Variants in SEPTIN7 observed in about 807,000 individuals in gnomAD.
SEPTIN7 encodes the protein septin-7.
SEPTIN7 carries 10 observed loss-of-function variants against 63.3 expected under a neutral mutation model. The ratio of observed to expected loss-of-function variants is 0.16; its 90% CI spans 0.10 to 0.27. The LOEUF (loss-of-function observed/expected upper bound fraction) is 0.27, where lower values mean the gene tolerates loss of function less well. Ranked by LOEUF, SEPTIN7 falls within the 10% of genes least tolerant of loss-of-function variation. The probability of loss-of-function intolerance (pLI) is 1.00; values close to 1 mark genes in which losing one functional copy is unlikely to be tolerated. For synonymous variants in SEPTIN7, 131 were observed against 165.3 expected (o/e 0.79, Z 1.59); for missense variants, 310 against 521.0 (o/e 0.59, Z 3.94).
intron 3 of SEPTIN7, chr7:35,847,131 G>C (rs190461489): frequency 1.5e-3 from 266 of 178,200 alleles, no homozygotes; most frequent in Middle Eastern, 4.6e-3. Flanking sequence ...GAAGTTGGCC[G>C]TGTCCAGATT....
intron 1 of SEPTIN7, among the ~76,000 whole-genome samples, chr7:35,817,733 A>G (rs991846558): frequency 2.0e-5 from 3 of 152,050 alleles, no homozygotes; most frequent in Non-Finnish European, 2.9e-5. Flanking sequence ...TATAGTTCTC[A>G]TGTATAAGAC....
downstream of SEPTIN7, among the ~76,000 whole-genome samples, chr7:35,910,230 G>A (rs1408395842): frequency 6.6e-6 from 1 of 152,184 alleles, no homozygotes; most frequent in Non-Finnish European, 1.5e-5. Context: ...GCTTAGTCCT[G>A]TTCAATGCAT....
chr7:35,816,733 A>G (rs770389984), intron 1 of SEPTIN7, among the ~76,000 whole-genome samples: 11 of 152,116 alleles, frequency 7.2e-5, no homozygotes, highest in South Asian at 4.1e-4. Context: ...ATTCTTGTCC[A>G]TACTTGTTAT....
chr7:35,820,201 GT>G (rs1789329604), intron 1 of SEPTIN7, among the ~76,000 whole-genome samples: 1 of 151,986 alleles, frequency 6.6e-6, no homozygotes, highest in African/African-American at 2.4e-5. Context: ...AAGATTCTCT[GT>G]TTTTGGTTTT....
intron 3 of SEPTIN7, among the ~76,000 whole-genome samples, chr7:35,852,896 G>A (rs1244772999): frequency 6.6e-6 from 1 of 152,090 alleles, no homozygotes; most frequent in Non-Finnish European, 1.5e-5. Context: ...TTCTTGAAAG[G>A]ACGTAGATCT....
At chr7:35,849,226 A>G (rs1310958852) in intron 3 of SEPTIN7, among the ~76,000 whole-genome samples, 1 of 152,202 alleles carries the variant, frequency 6.6e-6, no homozygotes, top group African/African-American at 2.4e-5. Context: ...AATGTATCTA[A>G]TGTAGTCTAG....
Position 35,905,946 on chromosome 7 carries a change from ATTTAC to A in SEPTIN7, c.*1657_*1661del, listed in dbSNP as rs1456284999. 1.3e-5 allele frequency: 2 copies of A among 152,322 alleles called. No individual in the cohort carries two copies. The highest frequency in any genetic ancestry group is 3.4e-3 in the Middle Eastern group (1 of 292). 9.4% of individuals were successfully genotyped at this position (152,322 alleles called of 1,614,324 possible). On this transcript the variant is annotated 3_prime_UTR_variant, in exon 14 of 14. Transcript: ENST00000350320. The stretch of plus-strand genomic sequence containing the variant: ...TTATTATCTTGAAATGTTTTACCCT[ATTTAC>A]TTTTTAAAATTAATGACCTAAGCGG...
chr7:35,864,224 C>A (rs1389421028), intron 4 of SEPTIN7, among the ~76,000 whole-genome samples: 1 of 151,978 alleles, frequency 6.6e-6, no homozygotes, highest in Admixed American at 6.6e-5. Flanking sequence ...CTGTAAGACT[C>A]CCAAGGTATA....
chr7:35,824,298 C>A (rs1431259112), intron 1 of SEPTIN7, among the ~76,000 whole-genome samples: 1 of 152,116 alleles, frequency 6.6e-6, no homozygotes, highest in Admixed American at 6.6e-5. Context: ...CTACAGTTGA[C>A]CTCCTTTGAA....
At chr7:35,804,145 A>T (rs1323721734) in intron 1 of SEPTIN7, among the ~76,000 whole-genome samples, 1 of 152,074 alleles carries the variant, frequency 6.6e-6, no homozygotes, top group Admixed American at 6.5e-5. Flanking sequence ...GCTTTTTCTT[A>T]CTTTGGATTC....
At chr7:35,857,996 G>A (rs1785292893) in intron 3 of SEPTIN7, among the ~76,000 whole-genome samples, 1 of 151,984 alleles carries the variant, frequency 6.6e-6, no homozygotes, top group Non-Finnish European at 1.5e-5. Flanking sequence ...TGGCTGGAGT[G>A]CAGTGGTGTC....
At chr7:35,801,529 C>T (rs1787971327) in intron 1 of SEPTIN7, among the ~76,000 whole-genome samples, 1 of 151,596 alleles carries the variant, frequency 6.6e-6, no homozygotes, top group South Asian at 2.1e-4. Context: ...GCGGGCTGGC[C>T]CCCGGCGCAG....
At chr7:35,889,638 G>C (rs1013951983) in intron 10 of SEPTIN7, among the ~76,000 whole-genome samples, 3 of 152,098 alleles carry the variant, frequency 2.0e-5, no homozygotes, top group Admixed American at 2.0e-4. Flanking sequence ...CCACTTCCTG[G>C]GTTCAAGCGA....
At chr7:35,838,059 A>G (rs1784168165) in intron 3 of SEPTIN7, among the ~76,000 whole-genome samples, 2 of 151,940 alleles carry the variant, frequency 1.3e-5, no homozygotes, top group African/African-American at 4.8e-5. Flanking sequence ...TATCTTTGAT[A>G]TTCTTTTATA....
intron 11 of SEPTIN7, among the ~76,000 whole-genome samples, chr7:35,892,236 A>G (rs1179221743): frequency 1.3e-5 from 2 of 152,338 alleles, no homozygotes; most frequent in Non-Finnish European, 2.9e-5. Flanking sequence ...AGTGGTTAAC[A>G]TGCCTTATAA....
downstream of SEPTIN7, among the ~76,000 whole-genome samples, chr7:35,910,413 C>A (rs1788721324): frequency 6.6e-6 from 1 of 152,148 alleles, no homozygotes; most frequent in African/African-American, 2.4e-5. Context: ...TGGATTCTCC[C>A]TAAAATAACT....
chr7:35,828,872 C>G (rs1783658145), intron 1 of SEPTIN7, among the ~76,000 whole-genome samples: 1 of 152,184 alleles, frequency 6.6e-6, no homozygotes, highest in Non-Finnish European at 1.5e-5. Context: ...GCAATCCTCT[C>G]GCCTTGGCCT....
At chr7:35,811,859 T>G (rs999457381) in intron 1 of SEPTIN7, among the ~76,000 whole-genome samples, 10 of 152,106 alleles carry the variant, frequency 6.6e-5, no homozygotes, top group Admixed American at 2.6e-4. Context: ...CTGTCTCTAC[T>G]AAAAATACAA....
the SEPTIN7 span, among the ~76,000 whole-genome samples, chr7:35,913,523 C>T: frequency 6.9e-6 from 1 of 144,990 alleles, no homozygotes; most frequent in African/African-American, 2.6e-5. Flanking sequence ...TTCCTTCCTT[C>T]TTTCTTTCCT....
Sources: allele counts gnomAD v4.1 joint callset (sites outside exome capture counted in the v4.1 genomes callset), GRCh38; gene constraint gnomAD v4.1.1; transcripts MANE v1.5; gene names NCBI Gene and HGNC (gene_info 2026-07-23, HGNC 2026-07-21).